The following ITPRID1 variants were observed in gnomAD, a reference collection of about 807,000 sequenced individuals.
ITPRID1 encodes protein ITPRID1.
A neutral mutation model predicts 95.4 loss-of-function variants in ITPRID1; 96 were observed. The ratio of observed to expected loss-of-function variants is 1.01; its 90% CI spans 0.85 to 1.19. ITPRID1 has a LOEUF of 1.19. Among genes scored for constraint, ITPRID1 ranks in the 50% most tolerant of loss-of-function variants. The probability of loss-of-function intolerance (pLI) is 0.00; values close to 1 mark genes in which losing one functional copy is unlikely to be tolerated. For missense variants in ITPRID1, 1,339 were observed against 1,252.9 expected, an observed-to-expected ratio of 1.07 and a Z score of -1.04; for synonymous variants, 510 against 453.6, an observed-to-expected ratio of 1.12 and a Z score of -1.58.
At chr7:31,548,245 T>G (rs1442746756) in intron 1 of ITPRID1, among the ~76,000 whole-genome samples, 1 of 152,050 alleles carries the variant, frequency 6.6e-6, no homozygotes, top group Non-Finnish European at 1.5e-5. Flanking sequence ...TGGCAAGCCA[T>G]CTACATTGAT....
intron 10 of ITPRID1, among the ~76,000 whole-genome samples, chr7:31,616,352 TC>T (rs1455291748): frequency 6.6e-6 from 1 of 152,184 alleles, no homozygotes; most frequent in African/African-American, 2.4e-5. Context: ...CCTATTGATT[TC>T]AATAATCAGA....
At chr7:31,624,370 T>C (rs1008344920) in intron 10 of ITPRID1, among the ~76,000 whole-genome samples, 5 of 146,808 alleles carry the variant, frequency 3.4e-5, no homozygotes, top group African/African-American at 1.3e-4. Context: ...GACTTCAAAC[T>C]ATACTACAAG....
chr7:31,564,594 A>G (rs1226003939), intron 5 of ITPRID1, among the ~76,000 whole-genome samples: 2 of 152,150 alleles, frequency 1.3e-5, no homozygotes, highest in East Asian at 3.9e-4. Context: ...GTACACATGT[A>G]TACTACCTGG....
chr7:31,564,692 C>T (rs1405018440), intron 5 of ITPRID1, among the ~76,000 whole-genome samples: 1 of 152,116 alleles, frequency 6.6e-6, no homozygotes, highest in Non-Finnish European at 1.5e-5. Flanking sequence ...ATTCCCTAGG[C>T]GTGAGCTTCC....
chr7:31,643,895 C>T lies in ITPRID1; in HGVS notation c.2525C>T (p.Ala842Val). 6.2e-7 allele frequency: 1 copy of T among 1,613,862 alleles called. No individual in the cohort carries two copies. The highest frequency in any genetic ancestry group is 8.5e-7 in the Non-Finnish European group (1 of 1,179,876). Reference protein sequence around the residue: ...CLCSLTGHQEAQFMTTLKALQ... With the variant: ...CLCSLTGHQEVQFMTTLKALQ... ...TGTTCACTAACTGGTCACCAGGAAG[C>T]CCAGTTCATGACGACTTTGAAAGCC... Residue 842 changes from alanine (A) to valine (V), a missense_variant, in exon 12 of 15, where the codon GCC becomes GTC. Coordinates refer to ENST00000615280, the MANE Select transcript of ITPRID1 (RefSeq NM_001257967.3).
intron 1 of ITPRID1, among the ~76,000 whole-genome samples, chr7:31,526,340 G>A (rs936024241): frequency 2.0e-5 from 3 of 152,166 alleles, no homozygotes; most frequent in Non-Finnish European, 4.4e-5. Flanking sequence ...AAATCAAGAA[G>A]CATTTGTACT....
intron 10 of ITPRID1, among the ~76,000 whole-genome samples, chr7:31,615,736 G>C (rs1032002782): frequency 4.9e-5 from 7 of 141,698 alleles, no homozygotes; most frequent in South Asian, 2.4e-4. Flanking sequence ...TAGCGTGTTA[G>C]AGTTTACTGA....
intron 10 of ITPRID1, among the ~76,000 whole-genome samples, chr7:31,636,429 AAAG>A (rs1248523839): frequency 6.6e-6 from 1 of 152,198 alleles, no homozygotes; most frequent in Admixed American, 6.5e-5. Context: ...GATTGTTTGA[AAAG>A]TTGAAATAAT....
chr7:31,598,697 TC>T (rs1786213637), intron 10 of ITPRID1, among the ~76,000 whole-genome samples: 1 of 152,070 alleles, frequency 6.6e-6, no homozygotes, highest in South Asian at 2.1e-4. Flanking sequence ...GCCACCGCGC[TC>T]GGTCTAAAAT....
At chr7:31,635,423 C>T (rs1414294571) in intron 10 of ITPRID1, among the ~76,000 whole-genome samples, 1 of 152,182 alleles carries the variant, frequency 6.6e-6, no homozygotes, top group Non-Finnish European at 1.5e-5. Flanking sequence ...GCCTCTACAC[C>T]TGAGAGAACT....
intron 1 of ITPRID1, among the ~76,000 whole-genome samples, chr7:31,516,718 A>C (rs1042361873): frequency 4.1e-4 from 62 of 152,188 alleles, no homozygotes; most frequent in African/African-American, 1.4e-3. Flanking sequence ...CTACAACAGA[A>C]GTTTTTAACA....
Position 31,654,803 on chromosome 7 carries a change from C to T in ITPRID1, c.*1974C>T, listed in dbSNP as rs1454635390. Among the ~76,000 whole-genome samples the T allele has an allele frequency of 1.3e-5, 2 of 152,292 alleles. 1 individual carries two copies. The highest frequency in any genetic ancestry group is 4.2e-4 in the South Asian group (2 of 4,818). ...GAAAAGATGGTCAAAGGAGAGGTCA[C>T]TTCTTAGCAAGTAACCTCAGAAACT... On this transcript the variant is annotated 3_prime_UTR_variant, in exon 15 of 15. Transcript: ENST00000615280.
chr7:31,629,276 A>G (rs1275765063), intron 10 of ITPRID1, among the ~76,000 whole-genome samples: 2 of 58,982 alleles, frequency 3.4e-5, no homozygotes, highest in Non-Finnish European at 7.7e-5. Context: ...TGTGTGTTTA[A>G]ACAACACAAT....
intron 6 of ITPRID1, 117 bp from the exon 7 acceptor site, chr7:31,571,985 T>C: frequency 6.0e-6 from 4 of 662,130 alleles, no homozygotes; most frequent in South Asian, 5.8e-5. Flanking sequence ...CATTATGGGA[T>C]TATTAGAGAC....
intron 5 of ITPRID1, among the ~76,000 whole-genome samples, chr7:31,555,979 A>G (rs182982764): frequency 8.5e-4 from 129 of 152,304 alleles, no homozygotes; most frequent in Middle Eastern, 3.4e-3. Flanking sequence ...CTCTCTGCTC[A>G]TAATAATTCA....
intron 10 of ITPRID1, among the ~76,000 whole-genome samples, chr7:31,619,993 T>C (rs1391428041): frequency 6.6e-6 from 1 of 151,902 alleles, no homozygotes; most frequent in Non-Finnish European, 1.5e-5. Context: ...GCCCACGGAG[T>C]CTCGCTGATT....
intron 11 of ITPRID1, 139 bp downstream of exon 11, chr7:31,642,397 T>C: frequency 1.5e-6 from 1 of 685,380 alleles, no homozygotes. Flanking sequence ...ATTGGAAAGG[T>C]TGAGAAGGCA....
intron 10 of ITPRID1, among the ~76,000 whole-genome samples, chr7:31,599,137 G>C (rs1049677330): frequency 2.6e-5 from 4 of 152,136 alleles, no homozygotes; most frequent in Non-Finnish European, 5.9e-5. Context: ...CTGAAATAGT[G>C]AAAAACTTTT....
At chr7:31,515,090 A>T (rs1303866709) in intron 1 of ITPRID1, among the ~76,000 whole-genome samples, 4 of 151,990 alleles carry the variant, frequency 2.6e-5, no homozygotes, top group Admixed American at 2.6e-4. Flanking sequence ...CTAACTCATA[A>T]CTTTACCAGA....
Sources: allele counts gnomAD v4.1 joint callset (sites outside exome capture counted in the v4.1 genomes callset), GRCh38; gene constraint gnomAD v4.1.1; transcripts MANE v1.5; gene names NCBI Gene and HGNC (gene_info 2026-07-23, HGNC 2026-07-21).